SPDYE3: variants seen among roughly 807,000 people sequenced by gnomAD.
SPDYE3 encodes the protein speedy protein E3.
Under a neutral mutation model 55.0 loss-of-function variants are expected in SPDYE3, and 15 were observed. That is an observed-to-expected ratio of 0.27 (90% CI 0.18 to 0.42). The LOEUF is 0.42. SPDYE3 is among the 10% of genes least tolerant of loss of function. The pLI, the probability that SPDYE3 is intolerant of heterozygous loss-of-function variation, is 1.00. For missense variants in SPDYE3, 236 were observed against 576.7 expected (o/e 0.41, Z 6.05); for synonymous variants, 89 against 229.9 (o/e 0.39, Z 5.55).
At chr7:100,318,887 G>T (rs1204944485) in intron 8 of SPDYE3, among the ~76,000 whole-genome samples, 1 of 140,594 alleles carries the variant, frequency 7.1e-6, no homozygotes, top group African/African-American at 2.8e-5. Context: ...CACCTGGACA[G>T]TTATTTATTT....
chr7:100,317,975 CAAAAAAAAAAAA>C (rs1159920205), intron 8 of SPDYE3, among the ~76,000 whole-genome samples: 2 of 43,864 alleles, frequency 4.6e-5, no homozygotes, highest in African/African-American at 7.1e-5. Context: ...GACTCCGTCT[CAAAAAAAAAAAA>C]AAAAAAAAAG....
Position 100,307,714 on chromosome 7 carries a change from C to G in SPDYE3, c.-172C>G. The G allele has an allele frequency of 7.2e-7, 1 of 1,393,706 alleles. No individual in the cohort carries two copies. Among genetic ancestry groups the G allele is most frequent in the South Asian group, 1.5e-5 (1 of 66,898 alleles). The allele number at this position is 1,393,706 out of a possible 1,614,324, so 86.3% of individuals were successfully genotyped here. On this transcript the variant is annotated 5_prime_UTR_variant, in exon 1 of 11. Coordinates refer to ENST00000332397, the MANE Select transcript of SPDYE3 (RefSeq NM_001004351.5). Reference sequence around the variant, plus strand: ...TGGAAGGACCGGACTCTGTCGGCGCCTGGCAGTTCAGGTGAACAACAGTAA... The same window carrying G: ...TGGAAGGACCGGACTCTGTCGGCGCGTGGCAGTTCAGGTGAACAACAGTAA...
chr7:100,320,291 C>T (rs1325603256), intron 10 of SPDYE3: 18 of 1,087,312 alleles, frequency 1.7e-5, no homozygotes, highest in East Asian at 1.0e-4. Flanking sequence ...GCACTCCAGC[C>T]GGGGCGACAG....
intron 8 of SPDYE3, among the ~76,000 whole-genome samples, chr7:100,317,790 C>G (rs1174762582): frequency 6.7e-6 from 1 of 150,358 alleles, no homozygotes; most frequent in African/African-American, 2.4e-5. Flanking sequence ...ATGGTGAAAC[C>G]CTGTCTCCAC....
At chr7:100,317,758 G>A (rs1418498002) in intron 8 of SPDYE3, among the ~76,000 whole-genome samples, 2 of 150,862 alleles carry the variant, frequency 1.3e-5, no homozygotes, top group Non-Finnish European at 2.9e-5. Context: ...AAGGTCAGGA[G>A]AGCAAAACCA....
intron 5 of SPDYE3, among the ~76,000 whole-genome samples, chr7:100,313,917 A>G (rs1284333764): frequency 2.1e-4 from 15 of 70,266 alleles, no homozygotes; most frequent in African/African-American, 5.0e-4. Context: ...AAGAAGAAGA[A>G]AAAAAAGAAG....
At chr7:100,315,982 T>G in intron 7 of SPDYE3, 139 bp downstream of exon 7, 1 of 1,425,116 alleles carries the variant, frequency 7.0e-7, no homozygotes, top group South Asian at 1.2e-5. Flanking sequence ...GTTTTTGTTT[T>G]TTTTTGTGAG....
At chr7:100,317,893 G>A (rs1391869441) in intron 8 of SPDYE3, among the ~76,000 whole-genome samples, 1 of 147,354 alleles carries the variant, frequency 6.8e-6, no homozygotes, top group Admixed American at 6.8e-5. Context: ...GGAGAATGGC[G>A]TGAACCTGGG....
chr7:100,317,372 G>A lies in SPDYE3; in HGVS notation c.1346+217G>A, dbSNP rs575567622. Among the ~76,000 whole-genome samples the A allele has an allele frequency of 7.0e-4, 107 of 152,288 alleles. 1 individual carries two copies. Among genetic ancestry groups the A allele is most frequent in the Non-Finnish European group, 1.3e-3 (87 of 68,012 alleles). On this transcript the variant is annotated intron_variant, in intron 8 of 10. Coordinates refer to ENST00000332397, the MANE Select transcript of SPDYE3 (RefSeq NM_001004351.5). ...TGTAATCCCAGCACTTTGGGAGGCC[G>A]AGGCAAGCGGATCACCTGAGGTCAG... is the stretch of plus-strand genomic sequence containing the variant.
At chr7:100,317,260 T>C (rs1391252986) in intron 8 of SPDYE3, 105 bp downstream of exon 8, 1 of 1,306,500 alleles carries the variant, frequency 7.7e-7, no homozygotes, top group East Asian at 2.3e-5. Context: ...TTGTCCTCTT[T>C]ACTCTGTGTA....
intron 1 of SPDYE3, among the ~76,000 whole-genome samples, chr7:100,308,566 G>A (rs1008989752): frequency 2.0e-5 from 3 of 151,760 alleles, no homozygotes; most frequent in African/African-American, 7.3e-5. Flanking sequence ...AAATTGAGCT[G>A]GGCATTATGG....
rs1585001432 is a variant in SPDYE3 at position 100,319,598 on chromosome 7, G to A, written c.1380G>A (p.Glu460=). 6 of 1,614,198 alleles carry A rather than the reference G, an allele frequency of 3.7e-6. No individual in the cohort carries two copies. Among genetic ancestry groups the A allele is most frequent in the Non-Finnish European group, 5.1e-6 (6 of 1,180,044 alleles). Residue 460 remains glutamate (E), a synonymous_variant, in exon 9 of 11, where the codon GAG becomes GAA. Coordinates refer to ENST00000332397, the MANE Select transcript of SPDYE3 (RefSeq NM_001004351.5). ...YLANDMEEDD[E]APKQKIFYFL... is the part of the protein sequence containing the mutation. ...CCAATGACATGGAGGAGGACGACGAGGCCCCCAAACAAAAGATCTTCTACT... is the reference window on the plus strand; with the variant it reads ...CCAATGACATGGAGGAGGACGACGAAGCCCCCAAACAAAAGATCTTCTACT...
Position 100,321,194 on chromosome 7 carries a change from G to A in SPDYE3, c.*349G>A, listed in dbSNP as rs1789573809. 5 of 494,408 alleles carry A rather than the reference G, an allele frequency of 1.0e-5. No homozygotes were observed. The Admixed American group carries it at 1.1e-4, about 11-fold the overall frequency. The allele number at this position is 494,408 out of a possible 1,614,324, so 30.6% of individuals were successfully genotyped here. On this transcript the variant is annotated 3_prime_UTR_variant, in exon 11 of 11. Transcript: ENST00000332397. ...AACCTCCCTGGGGCGGAACCTGGAG[G>A]TCCTGTTTCTTACGGACTTGGTTGC... is the stretch of plus-strand genomic sequence containing the variant.
chr7:100,315,898 G>A lies in SPDYE3; in HGVS notation c.1260+55G>A, dbSNP rs1222955216. ...CTGTTCTAACGCACGGCCAGGGGGA[G>A]GGCGCAGCTTCCAAACCCACAGTTC... On this transcript the variant is annotated intron_variant, in intron 7 of 10. Coordinates refer to ENST00000332397, the MANE Select transcript of SPDYE3 (RefSeq NM_001004351.5). The A allele has an allele frequency of 2.5e-6, 4 of 1,596,896 alleles. No individual in the cohort carries two copies. The Admixed American group carries it at 6.7e-5, about 27-fold the overall frequency.
At chr7:100,313,970 A>T (rs994382999) in intron 5 of SPDYE3, among the ~76,000 whole-genome samples, 1 of 58,566 alleles carries the variant, frequency 1.7e-5, no homozygotes, top group African/African-American at 7.3e-5. Flanking sequence ...GTGTGTGGGA[A>T]GAATGGAGAA....
Position 100,319,735 on chromosome 7 carries a change from T to C in SPDYE3, c.1517T>C (p.Phe506Ser). The change falls in exon 9 of 11, where the codon TTC (phenylalanine) becomes TCC (serine). Residue 506 changes from phenylalanine to serine, a missense_variant. Phe to Ser is a radical substitution (Grantham distance 155). Transcript: ENST00000332397. ...ARKNCSQIAL[F>S]QKRRFQFFCS... is the part of the protein sequence containing the mutation. Reference sequence around the variant, plus strand: ...AAGAACTGCTCTCAGATAGCCTTGTTCCAGAAGCGTCGGTTCCAGTTCTTC... The same window carrying C: ...AAGAACTGCTCTCAGATAGCCTTGTCCCAGAAGCGTCGGTTCCAGTTCTTC... 1 of 1,614,196 alleles carries C rather than the reference T, an allele frequency of 6.2e-7. No homozygotes were observed. The highest frequency in any genetic ancestry group is 8.5e-7 in the Non-Finnish European group (1 of 1,180,034).
chr7:100,309,771 G>A (rs1805917427), intron 2 of SPDYE3, among the ~76,000 whole-genome samples: 2 of 145,572 alleles, frequency 1.4e-5, no homozygotes, highest in Admixed American at 1.4e-4. Flanking sequence ...AGGTCAGGAA[G>A]GAGAACCTGG....
chr7:100,315,722 C>A, intron 6 of SPDYE3, 63 bp from the exon 7 acceptor site: 1 of 1,596,514 alleles, frequency 6.3e-7, no homozygotes, highest in Non-Finnish European at 8.5e-7. Flanking sequence ...CTCCTCACTG[C>A]CCTGCTGCTC....
chr7:100,315,733 C>A (rs1371246332), intron 6 of SPDYE3, 52 bp from the exon 7 acceptor site: 3 of 1,597,362 alleles, frequency 1.9e-6, no homozygotes, highest in Admixed American at 1.7e-5. Context: ...CCTGCTGCTC[C>A]CATGGAAACC....
Sources: gnomAD v4.1 joint callset for allele counts (sites outside exome capture counted in the v4.1 genomes callset) on GRCh38, gnomAD v4.1.1 for gene constraint, MANE v1.5 for transcripts, NCBI Gene and HGNC (gene_info 2026-07-23, HGNC 2026-07-21) for gene names.